The following PCDHGB5 variants were observed in gnomAD, a reference collection of about 807,000 sequenced individuals.
The protein encoded by PCDHGB5 is protocadherin gamma-B5.
A neutral mutation model predicts 62.9 loss-of-function variants in PCDHGB5; 48 were observed. That is an observed-to-expected ratio of 0.76 (90% CI 0.61 to 0.97). The LOEUF (loss-of-function observed/expected upper bound fraction) is 0.97, where lower values mean the gene tolerates loss of function less well. PCDHGB5 is among the 50% of genes least tolerant of loss of function. The pLI is 0.00. For synonymous variants in PCDHGB5, 474 were observed against 511.2 expected, an observed-to-expected ratio of 0.93 and a Z score of 0.98; for missense variants, 1,118 against 1,198.6, an observed-to-expected ratio of 0.93 and a Z score of 0.99.
intron 1 of PCDHGB5, among the ~76,000 whole-genome samples, chr5:141,451,780 C>T (rs988572200): frequency 6.6e-6 from 1 of 152,016 alleles, no homozygotes; most frequent in Non-Finnish European, 1.5e-5. Flanking sequence ...ACTCAGGAGG[C>T]TGAGGCCAGA....
intron 1 of PCDHGB5, chr5:141,423,611 C>T: frequency 1.1e-5 from 18 of 1,611,094 alleles, no homozygotes; most frequent in Non-Finnish European, 1.5e-5. Flanking sequence ...CTCTTGATAG[C>T]TGAAGACTCA....
rs542548063 is a variant in PCDHGB5, at chr5:141,412,999, C to T, written c.2397+12475C>T. On this transcript the variant is annotated intron_variant, in intron 1 of 3. Coordinates refer to ENST00000617380, the MANE Select transcript of PCDHGB5 (RefSeq NM_018925.3). Reference sequence around the variant, plus strand: ...GCAGCCAGAGCTCAATCCGGATTCTCAGGGCTTCAACTACACAAGCCCCAC... The same window carrying T: ...GCAGCCAGAGCTCAATCCGGATTCTTAGGGCTTCAACTACACAAGCCCCAC... 150 of 588,234 alleles carry T rather than the reference C, an allele frequency of 2.6e-4. 1 individual carries two copies. In the South Asian group the frequency reaches 3.6e-3, roughly 14 times the overall value. 36.4% of individuals were successfully genotyped at this position (588,234 alleles called of 1,614,324 possible). A position where few individuals can be genotyped will look rare whatever the true frequency, so the allele number is the denominator to read the frequency against.
In PCDHGB5 at chr5:141,427,233, G is replaced by A. The variant is rs147039909; in HGVS notation, c.2397+26709G>A. On this transcript the variant is annotated intron_variant, in intron 1 of 3. Transcript: ENST00000617380. Reference sequence around the variant, plus strand: ...ATTTCGTAGCAGTTATACCATGAGAGTAGAAGCTAAGGATGGTGGAGGCAT... The same window carrying A: ...ATTTCGTAGCAGTTATACCATGAGAATAGAAGCTAAGGATGGTGGAGGCAT... 180 of 456,756 alleles carry A rather than the reference G, an allele frequency of 3.9e-4. 1 individual carries two copies. The highest frequency in any genetic ancestry group is 3.5e-3 in the African/African-American group (176 of 50,196). The allele number at this position is 456,756 out of a possible 1,614,324, so 28.3% of individuals were successfully genotyped here.
In PCDHGB5 at chr5:141,414,957, G is replaced by C. The variant is rs550492051; in HGVS notation, c.2397+14433G>C. 9.2e-5 allele frequency: 148 copies of C among 1,614,018 alleles called. No homozygotes were observed. Among genetic ancestry groups the C allele is most frequent in the Non-Finnish European group, 1.2e-4 (144 of 1,180,044 alleles). ...CAGAGCCCGGCTACCTGGTGACCAA[G>C]GTGGTGGCGGTGGACAGAGACTCCG... is the stretch of plus-strand genomic sequence containing the variant. On this transcript the variant is annotated intron_variant, in intron 1 of 3. Coordinates refer to ENST00000617380, the MANE Select transcript of PCDHGB5 (RefSeq NM_018925.3).
intron 1 of PCDHGB5, chr5:141,478,150 C>T (rs569939900): frequency 6.2e-7 from 1 of 1,614,086 alleles, no homozygotes; most frequent in African/African-American, 1.3e-5. Flanking sequence ...CCGAGTTCCC[C>T]TCTGGCTCTG....
rs2099710385 is a variant in PCDHGB5 at position 141,491,296 on chromosome 5, G to A, written c.2398-3511G>A. 6.2e-7 allele frequency: 1 copy of A among 1,614,034 alleles called. No individual in the cohort carries two copies. Among genetic ancestry groups the A allele is most frequent in the African/African-American group, 1.3e-5 (1 of 74,924 alleles). Reference sequence around the variant, plus strand: ...CAGTGACTTCCTCATACACCCTCCTGAGCGTTCAGACCTTACCCTTTACCT... The same window carrying A: ...CAGTGACTTCCTCATACACCCTCCTAAGCGTTCAGACCTTACCCTTTACCT... On this transcript the variant is annotated intron_variant, in intron 1 of 3. Transcript: ENST00000617380. The surrounding 1 kb of genome is among the most constrained non-coding windows in gnomAD (Gnocchi z 6.9).
chr5:141,487,013 C>T lies in PCDHGB5; in HGVS notation c.2398-7794C>T. ...GGTTTCCTATCAGCTCCTGGAGGCC[C>T]CAGATCCCAGCCTGTTTGCAGTCTC... On this transcript the variant is annotated intron_variant, in intron 1 of 3. Coordinates refer to ENST00000617380, the MANE Select transcript of PCDHGB5 (RefSeq NM_018925.3). The surrounding 1 kb of genome is among the most constrained non-coding windows in gnomAD (Gnocchi z 5.0). The T allele has an allele frequency of 1.2e-6, 2 of 1,614,220 alleles. No individual in the cohort carries two copies. Among genetic ancestry groups the T allele is most frequent in the Non-Finnish European group, 1.7e-6 (2 of 1,180,040 alleles).
intron 2 of PCDHGB5, among the ~76,000 whole-genome samples, chr5:141,501,728 C>A (rs1284130771): frequency 1.3e-5 from 2 of 152,134 alleles, no homozygotes; most frequent in East Asian, 1.9e-4. Flanking sequence ...ATATATTACC[C>A]AGTCAGCTTA....
In PCDHGB5 at chr5:141,418,905, T is replaced by C. The variant is rs144920415; in HGVS notation, c.2397+18381T>C. The C allele has an allele frequency of 5.0e-6, 8 of 1,613,944 alleles. No homozygotes were observed. The East Asian group carries it at 1.8e-4, about 36-fold the overall frequency. ...AACGACAACAGCCCAGAAATAATCA[T>C]CACGTCACTCTCTGATCAGATTATG... On this transcript the variant is annotated intron_variant, in intron 1 of 3. Coordinates refer to ENST00000617380, the MANE Select transcript of PCDHGB5 (RefSeq NM_018925.3).
chr5:141,459,117 T>A (rs1489347692), intron 1 of PCDHGB5, among the ~76,000 whole-genome samples: 1 of 152,224 alleles, frequency 6.6e-6, no homozygotes, highest in Non-Finnish European at 1.5e-5. Flanking sequence ...GACAATTGTT[T>A]ACATCTGTGT....
chr5:141,484,697 T>C (rs746981788), intron 1 of PCDHGB5, among the ~76,000 whole-genome samples: 11 of 151,988 alleles, frequency 7.2e-5, no homozygotes, highest in Non-Finnish European at 1.3e-4. Context: ...AGGCTGTGGC[T>C]GTTTTCCCCG....
At chr5:141,498,581 C>A (rs1281809549) in intron 2 of PCDHGB5, among the ~76,000 whole-genome samples, 1 of 152,104 alleles carries the variant, frequency 6.6e-6, no homozygotes, top group East Asian at 1.9e-4. Flanking sequence ...GTATTGAGTT[C>A]TTCAGTAAAC....
chr5:141,481,066 A>G (rs1366968394), intron 1 of PCDHGB5, among the ~76,000 whole-genome samples: 1 of 152,156 alleles, frequency 6.6e-6, no homozygotes, highest in Non-Finnish European at 1.5e-5. Flanking sequence ...TCAAAAACAA[A>G]AAGAAAGAAA....
At chr5:141,467,005 G>A (rs1365805332) in intron 1 of PCDHGB5, among the ~76,000 whole-genome samples, 3 of 150,724 alleles carry the variant, frequency 2.0e-5, no homozygotes, top group Non-Finnish European at 4.4e-5. Flanking sequence ...TTTTTGCAAT[G>A]CAATTTTTTT....
intron 1 of PCDHGB5, chr5:141,420,280 T>C: frequency 6.6e-7 from 1 of 1,513,274 alleles, no homozygotes; most frequent in Non-Finnish European, 8.9e-7. Context: ...AACAGGTAAG[T>C]ATTTAAAAAT....
At chr5:141,416,674 G>A (rs547618174) in intron 1 of PCDHGB5, 1 of 152,250 alleles carries the variant, frequency 6.6e-6, no homozygotes, top group South Asian at 2.1e-4. Flanking sequence ...TATATGCAAC[G>A]AAGGGAAATT....
At position 141,476,097 on chromosome 5, in the gene PCDHGB5, A is replaced by G. The variant is rs1366023758; in HGVS notation, c.2398-18710A>G. 1 of 1,571,812 alleles carries G rather than the reference A, an allele frequency of 6.4e-7. No individual in the cohort carries two copies. Among genetic ancestry groups the G allele is most frequent in the African/African-American group, 1.4e-5 (1 of 73,826 alleles). ...CAGGGACGATCTGGACCCCGCTGAG[A>G]GGAACTGCTTTTGAGTGAGATGGTC... On this transcript the variant is annotated intron_variant, in intron 1 of 3. Coordinates refer to ENST00000617380, the MANE Select transcript of PCDHGB5 (RefSeq NM_018925.3). The surrounding 1 kb of genome is among the most constrained non-coding windows in gnomAD (Gnocchi z 7.6).
At chr5:141,470,795 C>T (rs947636574) in intron 1 of PCDHGB5, among the ~76,000 whole-genome samples, 2 of 152,182 alleles carry the variant, frequency 1.3e-5, no homozygotes, top group Non-Finnish European at 2.9e-5. Context: ...TCAAGCAATC[C>T]TCCCACTTCA....
chr5:141,417,839 C>A, intron 1 of PCDHGB5: 1 of 1,534,218 alleles, frequency 6.5e-7, no homozygotes, highest in South Asian at 1.2e-5. Flanking sequence ...AGCGGGGACC[C>A]AGCGAGAACC....
Sources: allele counts gnomAD v4.1 joint callset (sites outside exome capture counted in the v4.1 genomes callset), GRCh38; gene constraint gnomAD v4.1.1; non-coding constraint Gnocchi (gnomAD v3.1); transcripts MANE v1.5; gene names NCBI Gene and HGNC (gene_info 2026-07-23, HGNC 2026-07-21).